MTCL1: variants seen among roughly 807,000 people sequenced by gnomAD.
The protein encoded by MTCL1 is microtubule cross-linking factor 1.
A neutral mutation model predicts 141.4 loss-of-function variants in MTCL1; 79 were observed. That is an observed-to-expected ratio of 0.56 (90% CI 0.47 to 0.67). The LOEUF (loss-of-function observed/expected upper bound fraction) is 0.67. MTCL1 is among the 30% of genes least tolerant of loss of function. The probability of loss-of-function intolerance (pLI) is 0.00; values close to 1 mark genes in which losing one functional copy is unlikely to be tolerated. For synonymous variants in MTCL1, 914 were observed against 875.8 expected (o/e 1.04, Z -0.77); for missense variants, 2,177 against 2,113.9 (o/e 1.03, Z -0.59).
At chr18:8,778,811 T>C (rs1174325341) in intron 5 of MTCL1, among the ~76,000 whole-genome samples, 1 of 152,236 alleles carries the variant, frequency 6.6e-6, no homozygotes, top group East Asian at 1.9e-4. Flanking sequence ...TGAGAGTGTT[T>C]TCAGTTGACT....
chr18:8,738,159 G>A (rs574029530), intron 4 of MTCL1, among the ~76,000 whole-genome samples: 2 of 152,224 alleles, frequency 1.3e-5, no homozygotes, highest in Admixed American at 6.5e-5. Context: ...TCCTCTCACC[G>A]CAAAGCTTAG....
intron 4 of MTCL1, among the ~76,000 whole-genome samples, chr18:8,767,056 A>G (rs1172027334): frequency 2.0e-5 from 3 of 152,184 alleles, no homozygotes; most frequent in Non-Finnish European, 4.4e-5. Context: ...GCTCTTGCCT[A>G]ATTAAATAAT....
At chr18:8,748,847 CAG>C (rs67488820) in intron 4 of MTCL1, among the ~76,000 whole-genome samples, 6,625 of 152,110 alleles carry the variant, frequency 0.044, 185 homozygotes, top group Middle Eastern at 0.075. Context: ...ATGAAACTGA[CAG>C]GGGACCTTTG....
chr18:8,727,895 CCT>C (rs35191368), intron 4 of MTCL1, among the ~76,000 whole-genome samples: 23 of 142,120 alleles, frequency 1.6e-4, no homozygotes, highest in South Asian at 4.6e-4. Context: ...TCCCTCCCTC[CCT>C]CTCTCTCTCT....
At chr18:8,743,503 G>A (rs1219605758) in intron 4 of MTCL1, among the ~76,000 whole-genome samples, 2 of 152,240 alleles carry the variant, frequency 1.3e-5, no homozygotes, top group Non-Finnish European at 2.9e-5. Context: ...TCGTTCAGAT[G>A]TCTGAAGTGG....
At chr18:8,825,431 G>C in exon 15 of MTCL1, 1 of 1,560,514 alleles carries the variant, frequency 6.4e-7, no homozygotes, top group Non-Finnish European at 8.7e-7. Flanking sequence ...TCAAGGACAT[G>C]GCCTGCCAGA....
intron 10 of MTCL1, among the ~76,000 whole-genome samples, chr18:8,806,111 A>G (rs2076288413): frequency 1.3e-5 from 2 of 152,210 alleles, no homozygotes; most frequent in Admixed American, 1.3e-4. Flanking sequence ...TGGAAATGTG[A>G]GGGTGGGTCT....
At position 8,778,999 on chromosome 18, in the gene MTCL1, C is replaced by T. The variant is rs117812923; in HGVS notation, c.417+1107C>T. Among the ~76,000 whole-genome samples the T allele has an allele frequency of 9.6e-3, 1,457 of 152,300 alleles. 68 individuals are homozygous for T. The highest frequency in any genetic ancestry group is 0.078 in the East Asian group (406 of 5,174). On this transcript the variant is annotated intron_variant, in intron 5 of 16. Transcript: ENST00000359865. ...GGATGCGTTGAGCCGCCCACCCAGC[C>T]GGTGGGATTATTGAGGAAGGAGTTT...
In MTCL1 at chr18:8,779,469, G is replaced by A. The variant is rs2096525348; in HGVS notation, c.417+1577G>A. On this transcript the variant is annotated intron_variant, in intron 5 of 16. Transcript: ENST00000359865. The surrounding 1 kb of genome is among the most constrained non-coding windows in gnomAD (Gnocchi z 4.1). ...GAAGTCTACGGTTACAAGATAAGAT[G>A]GGCATCCAGCCTCCCGCTGCCTGAG... Among the ~76,000 whole-genome samples, 1 of 152,136 alleles carries A rather than the reference G, an allele frequency of 6.6e-6. No homozygotes were observed. Among genetic ancestry groups the A allele is most frequent in the Non-Finnish European group, 1.5e-5 (1 of 68,024 alleles).
chr18:8,790,102 G>A (rs1445199241), intron 7 of MTCL1, among the ~76,000 whole-genome samples: 1 of 152,192 alleles, frequency 6.6e-6, no homozygotes, highest in Non-Finnish European at 1.5e-5. Flanking sequence ...GCCATCGTAG[G>A]TGAGTCCGAC....
intron 11 of MTCL1, among the ~76,000 whole-genome samples, chr18:8,808,292 C>T (rs745939914): frequency 6.7e-6 from 1 of 149,934 alleles, no homozygotes; most frequent in Non-Finnish European, 1.5e-5. Context: ...TGTCTTTAAC[C>T]CTATTAAAAA....
Position 8,798,133 on chromosome 18 carries a change from C to T in MTCL1, c.2278C>T (p.Leu760Phe), listed in dbSNP as rs115906443. Reference sequence around the variant, plus strand: ...AGAGACCCTCTCCAGGCTCGGGGAGCTTGGAGTCCAGGGGGGTCACCAGGC... The same window carrying T: ...AGAGACCCTCTCCAGGCTCGGGGAGTTTGGAGTCCAGGGGGGTCACCAGGC... Residue 760 changes from leucine to phenylalanine, a missense_variant, in exon 10 of 17, where the codon CTT (leucine) becomes TTT (phenylalanine). By Grantham distance (22) the Leu-to-Phe change is conservative. Transcript: ENST00000359865. 16 of 1,592,530 alleles carry T rather than the reference C, an allele frequency of 1.0e-5. No individual in the cohort carries two copies. The highest frequency in any genetic ancestry group is 1.4e-5 in the Non-Finnish European group (16 of 1,171,054).
Position 8,830,766 on chromosome 18 carries a change from G to A in MTCL1, c.*19-841G>A. 3.0e-6 allele frequency: 3 copies of A among 985,398 alleles called. No individual in the cohort carries two copies. The highest frequency in any genetic ancestry group is 3.5e-5 in the African/African-American group (2 of 57,314). The allele number at this position is 985,398 out of a possible 1,614,324, so 61.0% of individuals were successfully genotyped here. A position where few individuals can be genotyped will look rare whatever the true frequency, so the allele number is the denominator to read the frequency against. ...TCATGCCACAGCTTTTTACATTTCT[G>A]TGTATCAGCAAATTCCAAATTTGGG... On this transcript the variant is annotated intron_variant, in intron 16 of 16. Coordinates refer to ENST00000359865, the Ensembl canonical transcript of MTCL1. This position sits in a 1 kb window ranked among gnomAD's most constrained non-coding sequence, Gnocchi z 6.4.
At chr18:8,738,406 T>C (rs1176597061) in intron 4 of MTCL1, among the ~76,000 whole-genome samples, 1 of 152,230 alleles carries the variant, frequency 6.6e-6, no homozygotes, top group African/African-American at 2.4e-5. Context: ...AAAATCATTT[T>C]TGTAGGTACT....
rs137897581 is a variant in MTCL1 at position 8,825,937 on chromosome 18, G to C, written c.4427G>C (p.Arg1476Pro). Residue 1476 changes from arginine (R) to proline (P), a missense_variant, in exon 15 of 17, where the codon CGA (arginine) becomes CCA (proline). By Grantham distance (103) the Arg-to-Pro change is moderately radical. Transcript: ENST00000359865. ...AGTCGGTCTCGCTCAGCAGAGCCCCGACCAGAGCTGGGCCCAGGCCAGGAA... is the reference window on the plus strand; with the variant it reads ...AGTCGGTCTCGCTCAGCAGAGCCCCCACCAGAGCTGGGCCCAGGCCAGGAA... 4 of 1,604,578 alleles carry C rather than the reference G, an allele frequency of 2.5e-6. No individual in the cohort carries two copies. The African/African-American group carries it at 4.0e-5, about 16-fold the overall frequency.
intron 4 of MTCL1, among the ~76,000 whole-genome samples, chr18:8,739,727 T>A (rs1454602414): frequency 1.6e-5 from 1 of 63,036 alleles, no homozygotes; most frequent in East Asian, 5.0e-4. Flanking sequence ...TTTTGTTTGT[T>A]TGTTTGTTCG....
At chr18:8,752,342 T>C (rs190158596) in intron 4 of MTCL1, among the ~76,000 whole-genome samples, 272 of 152,386 alleles carry the variant, frequency 1.8e-3, no homozygotes, top group Middle Eastern at 6.8e-3. Context: ...TTTTCTCTTT[T>C]ACTATTTAAA....
At chr18:8,826,059 G>A (rs769182692) in exon 15 of MTCL1, 24 of 1,611,730 alleles carry the variant, frequency 1.5e-5, no homozygotes, top group Non-Finnish European at 2.0e-5. Flanking sequence ...AGTGAAGCAG[G>A]ACTTATCTGC....
chr18:8,782,884 C>T (rs2096537436), intron 5 of MTCL1, among the ~76,000 whole-genome samples: 1 of 152,220 alleles, frequency 6.6e-6, no homozygotes, highest in Non-Finnish European at 1.5e-5. Flanking sequence ...TCATGTCATT[C>T]TTGTGGGACA....
Sources: allele counts gnomAD v4.1 joint callset (sites outside exome capture counted in the v4.1 genomes callset), GRCh38; gene constraint gnomAD v4.1.1; non-coding constraint Gnocchi (gnomAD v3.1); transcripts MANE v1.5; gene names NCBI Gene and HGNC (gene_info 2026-07-23, HGNC 2026-07-21).